Variants in RIF1 observed in about 807,000 individuals in gnomAD.
The protein encoded by RIF1 is telomere-associated protein RIF1.
Under a neutral mutation model 247.1 loss-of-function variants are expected in RIF1, and 45 were observed. The observed-to-expected ratio is 0.18, with a 90% CI of 0.14 to 0.23. The LOEUF (loss-of-function observed/expected upper bound fraction) is 0.23, where lower values mean the gene tolerates loss of function less well. Among genes scored for constraint, RIF1 ranks in the 10% least tolerant of loss-of-function variants. The pLI, the probability that RIF1 is intolerant of heterozygous loss-of-function variation, is 1.00. For synonymous variants in RIF1, 1,087 were observed against 978.8 expected, an observed-to-expected ratio of 1.11 and a Z score of -2.06; for missense variants, 2,967 against 2,862.5, an observed-to-expected ratio of 1.04 and a Z score of -0.83.
At chr2:151,473,488 C>T (rs558031274) in intron 34 of RIF1, among the ~76,000 whole-genome samples, 2 of 151,856 alleles carry the variant, frequency 1.3e-5, no homozygotes, top group African/African-American at 2.4e-5. Flanking sequence ...CTATGTTTGC[C>T]AGGCTGGTCT....
the RIF1 span, chr2:151,513,698 A>G: frequency 2.5e-6 from 4 of 1,569,232 alleles, no homozygotes; most frequent in Admixed American, 5.4e-5. Context: ...TTCTTTCTAT[A>G]GTAGCATTAA....
At chr2:151,437,056 A>T (rs1204112373) in intron 12 of RIF1, 53 bp downstream of exon 12, 1 of 1,471,934 alleles carries the variant, frequency 6.8e-7, no homozygotes, top group East Asian at 2.3e-5. Context: ...CTAGGACTTA[A>T]TGCATTGGGG....
At chr2:151,461,059 A>T in intron 26 of RIF1, 79 bp from the exon 27 acceptor site, 1 of 1,297,292 alleles carries the variant, frequency 7.7e-7, no homozygotes. Flanking sequence ...TGGTGTCATT[A>T]TTAGAGGAGA....
intron 4 of RIF1, 84 bp from the exon 5 acceptor site, chr2:151,416,477 G>A (rs1190289605): frequency 2.5e-6 from 3 of 1,196,562 alleles, no homozygotes; most frequent in Admixed American, 4.8e-5. Flanking sequence ...TGATTGATGA[G>A]TATATTGTTT....
At chr2:151,527,380 C>T in the RIF1 span, 6 of 992,072 alleles carry the variant, frequency 6.0e-6, no homozygotes, top group Non-Finnish European at 8.9e-6. Flanking sequence ...CTCAAACGAG[C>T]AAGGGTTAAC....
chr2:151,454,941 A>G lies in RIF1; in HGVS notation c.2391A>G (p.Leu797=). Residue 797 remains leucine, a synonymous_variant, in exon 22 of 36, where the codon CTA becomes CTG. Coordinates refer to ENST00000444746, the MANE Select transcript of RIF1 (RefSeq NM_018151.5). ...SDWSKKKNEP[L]GKLTSLFKLI... Reference sequence around the variant, plus strand: ...GGTCCAAAAAGAAGAATGAGCCCCTAGGGAAATTGACTTCTTTATTTAAAC... The same window carrying G: ...GGTCCAAAAAGAAGAATGAGCCCCTGGGGAAATTGACTTCTTTATTTAAAC... The G allele has an allele frequency of 6.2e-7, 1 of 1,612,986 alleles. No individual in the cohort carries two copies.
chr2:151,509,333 G>A (rs903112798), downstream of RIF1, among the ~76,000 whole-genome samples: 12 of 144,392 alleles, frequency 8.3e-5, no homozygotes, highest in African/African-American at 3.0e-4. Context: ...AAGGAAAACA[G>A]TTCTCATTGT....
intron 18 of RIF1, among the ~76,000 whole-genome samples, chr2:151,444,468 C>G (rs1692900276): frequency 6.6e-6 from 1 of 152,148 alleles, no homozygotes. Context: ...CGCCACCAAG[C>G]CCAGTTAATT....
chr2:151,414,878 G>T lies in RIF1; in HGVS notation c.239G>T (p.Gly80Val). The T allele has an allele frequency of 6.2e-7, 1 of 1,613,034 alleles. No homozygotes were observed. The highest frequency in any genetic ancestry group is 1.1e-5 in the South Asian group (1 of 90,824). The change falls in exon 4 of 36, where the codon GGG becomes GTG. Residue 80 changes from glycine to valine, a missense_variant. Physicochemically the swap from Gly to Val is moderately radical, Grantham distance 109 (BLOSUM62 -3). This residue lies in a region of RIF1 where 269 missense variants were observed against 288.6 expected (regional missense o/e 0.93). Transcript: ENST00000444746. The stretch of plus-strand genomic sequence containing the variant: ...AGTAGTGCTGCTCTACAAGCCCTGG[G>T]GTTTTGCTTATATAATCCCAAAATT... Reference protein sequence around the residue: ...ELSSAALQALGFCLYNPKITS... With the variant: ...ELSSAALQALVFCLYNPKITS...
chr2:151,474,850 C>A lies in RIF1; in HGVS notation c.7205-7C>A. The A allele has an allele frequency of 7.1e-7, 1 of 1,409,214 alleles. No homozygotes were observed. Among genetic ancestry groups the A allele is most frequent in the Non-Finnish European group, 9.9e-7 (1 of 1,008,914 alleles). 87.3% of individuals were successfully genotyped at this position (1,409,214 alleles called of 1,614,324 possible). A position where few individuals can be genotyped will look rare whatever the true frequency, so the allele number is the denominator to read the frequency against. On this transcript the variant is annotated splice_region_variant and splice_polypyrimidine_tract_variant and intron_variant, in intron 35 of 35. Transcript: ENST00000444746. ...GATTTAATTGTGGTTTTTTTTTTCT[C>A]TTTTAGATATAATTGATCCTGTTGC...
At chr2:151,526,370 A>G in the RIF1 span, 2 of 783,508 alleles carry the variant, frequency 2.6e-6, no homozygotes, top group Admixed American at 2.2e-5. Flanking sequence ...ACTAAACTCA[A>G]TAAAAGATGT....
Position 151,465,643 on chromosome 2 carries a change from T to G in RIF1, c.6123T>G (p.Asn2041Lys), listed in dbSNP as rs200802221. 5.0e-6 allele frequency: 8 copies of G among 1,614,106 alleles called. No individual in the cohort carries two copies. Among genetic ancestry groups the G allele is most frequent in the Non-Finnish European group, 5.9e-6 (7 of 1,180,028 alleles). The change falls in exon 30 of 36, where the codon AAT becomes AAG. Residue 2041 changes from asparagine to lysine, a missense_variant. Asn to Lys is a moderately conservative substitution (Grantham distance 94). Around this residue, in one of 7 missense-constraint regions of RIF1, gnomAD observed 2,028 missense variants for 1,825.6 expected, o/e 1.11. Coordinates refer to ENST00000444746, the MANE Select transcript of RIF1 (RefSeq NM_018151.5). The stretch of plus-strand genomic sequence containing the variant: ...CTGGCCATGATGGTGAAACAGAGAA[T>G]GAGGGCATAACTACCAAAACCTCAA... ...AETGHDGETE[N>K]EGITTKTSKP...
intron 9 of RIF1, among the ~76,000 whole-genome samples, chr2:151,487,357 A>T (rs1384630391): frequency 2.0e-5 from 3 of 152,178 alleles, no homozygotes. Flanking sequence ...GATGTAACCT[A>T]TATGGTTTTT....
rs759767244 is a variant in RIF1 at position 151,458,891 on chromosome 2, G to A, written c.2936G>A (p.Ser979Asn). The change falls in exon 25 of 36, where the codon AGT (serine) becomes AAT (asparagine). Residue 979 changes from serine (S) to asparagine (N), a missense_variant. Transcript: ENST00000444746. The stretch of plus-strand genomic sequence containing the variant: ...ACTGTTGAAATGATGGAGGAATCCA[G>A]TGGACCATATTCTGATGGAGTAAGT... The part of the protein sequence containing the change: ...LETVEMMEES[S>N]GPYSDGTENS... 3.1e-6 allele frequency: 5 copies of A among 1,606,214 alleles called. No homozygotes were observed. Among genetic ancestry groups the A allele is most frequent in the African/African-American group, 2.7e-5 (2 of 74,698 alleles).
At chr2:151,492,236 G>C in intron 9 of RIF1, 2 of 1,613,818 alleles carry the variant, frequency 1.2e-6, no homozygotes, top group Non-Finnish European at 1.7e-6. Context: ...GTCACCACTG[G>C]TGTGAAGCAA....
intron 27 of RIF1, 152 bp from the exon 28 acceptor site, chr2:151,462,090 C>T (rs1469931415): frequency 2.7e-5 from 12 of 440,976 alleles, no homozygotes. Flanking sequence ...CCATGCTGGT[C>T]TTGAACTCCT....
chr2:151,507,035 C>G (rs776062383), intron 13 of RIF1: 3 of 1,391,242 alleles, frequency 2.2e-6, no homozygotes, highest in Non-Finnish European at 3.1e-6. Context: ...GAGTAAACAT[C>G]TTGTTAAGAT....
chr2:151,453,613 C>T (rs1372907969), intron 21 of RIF1, among the ~76,000 whole-genome samples: 1 of 145,134 alleles, frequency 6.9e-6, no homozygotes, highest in East Asian at 2.0e-4. Context: ...GGCAATTTTA[C>T]TTTCTTAGAG....
intron 8 of RIF1, among the ~76,000 whole-genome samples, chr2:151,426,917 G>T (rs1393995496): frequency 6.6e-6 from 1 of 152,150 alleles, no homozygotes; most frequent in African/African-American, 2.4e-5. Context: ...AAAGTGCTGG[G>T]ATTACAGGTG....
Sources: allele counts gnomAD v4.1 joint callset (sites outside exome capture counted in the v4.1 genomes callset), GRCh38; gene constraint gnomAD v4.1.1; regional missense constraint gnomAD v4.1.1; transcripts MANE v1.5; gene names NCBI Gene and HGNC (gene_info 2026-07-23, HGNC 2026-07-21).